BTRC: variants seen among roughly 807,000 people sequenced by gnomAD.
BTRC encodes F-box/WD repeat-containing protein 1A.
Under a neutral mutation model 85.5 loss-of-function variants are expected in BTRC, and 42 were observed. The ratio of observed to expected loss-of-function variants is 0.49; its 90% CI spans 0.38 to 0.64. The LOEUF (loss-of-function observed/expected upper bound fraction) is 0.64. BTRC is among the 30% of genes least tolerant of loss of function. The pLI, the probability that BTRC is intolerant of heterozygous loss-of-function variation, is 0.00. For missense variants in BTRC, 594 were observed against 743.5 expected (o/e 0.80, Z 2.34); for synonymous variants, 255 against 263.3 (o/e 0.97, Z 0.30).
chr10:101,366,992 AT>A (rs1942460432), intron 1 of BTRC, among the ~76,000 whole-genome samples: 1 of 34,250 alleles, frequency 2.9e-5, no homozygotes, highest in Non-Finnish European at 7.4e-5. Context: ...ATTTATATAT[AT>A]TAATATATAT....
intron 2 of BTRC, among the ~76,000 whole-genome samples, chr10:101,454,000 ATG>A (rs1427079191): frequency 1.3e-5 from 2 of 152,262 alleles, no homozygotes; most frequent in Non-Finnish European, 2.9e-5. Context: ...TTGCAAAAAT[ATG>A]TGTCAGGCCA....
intron 4 of BTRC, among the ~76,000 whole-genome samples, chr10:101,487,709 C>A (rs1946026209): frequency 6.6e-6 from 1 of 152,124 alleles, no homozygotes; most frequent in Non-Finnish European, 1.5e-5. Flanking sequence ...AAGCAGGGAT[C>A]CTACCCAGTC....
chr10:101,478,812 GA>G (rs1945760558), intron 3 of BTRC, among the ~76,000 whole-genome samples: 1 of 149,768 alleles, frequency 6.7e-6, no homozygotes, highest in African/African-American at 2.5e-5. Context: ...GAAAAAAAGA[GA>G]AAGAAACATG....
intron 3 of BTRC, among the ~76,000 whole-genome samples, chr10:101,469,033 G>T (rs775111439): frequency 3.3e-5 from 5 of 152,134 alleles, no homozygotes; most frequent in Non-Finnish European, 7.4e-5. Flanking sequence ...TTTCAGCAAG[G>T]CATCTTACTA....
At chr10:101,516,162 A>G (rs146941964) in intron 4 of BTRC, among the ~76,000 whole-genome samples, 7 of 152,346 alleles carry the variant, frequency 4.6e-5, no homozygotes, top group Admixed American at 2.0e-4. Flanking sequence ...CAGCTCCAAC[A>G]GTGTTATAAG....
rs1257635504 is a variant in BTRC, at chr10:101,445,697, T to G, written c.156+15245T>G. On this transcript the variant is annotated intron_variant, in intron 2 of 14. Coordinates refer to ENST00000370187, the MANE Select transcript of BTRC (RefSeq NM_033637.4). Reference sequence around the variant, plus strand: ...CATGTGGCAGAGGAGTTGTGTATAATCGCTTTGGTTTAATCAATAGAATAA... The same window carrying G: ...CATGTGGCAGAGGAGTTGTGTATAAGCGCTTTGGTTTAATCAATAGAATAA... Among the ~76,000 whole-genome samples the G allele has an allele frequency of 3.9e-5, 6 of 152,202 alleles. 1 individual carries two copies.
At chr10:101,478,618 C>G (rs1286421130) in intron 3 of BTRC, among the ~76,000 whole-genome samples, 2 of 151,040 alleles carry the variant, frequency 1.3e-5, no homozygotes, top group Non-Finnish European at 3.0e-5. Context: ...TGGCAAAACC[C>G]CATCTCTACA....
intron 4 of BTRC, among the ~76,000 whole-genome samples, chr10:101,492,237 T>C (rs1436932529): frequency 6.6e-6 from 1 of 152,148 alleles, no homozygotes; most frequent in Non-Finnish European, 1.5e-5. Flanking sequence ...AATTATACAG[T>C]TTTGGGTTTG....
chr10:101,359,395 A>G (rs1942136145), intron 1 of BTRC, among the ~76,000 whole-genome samples: 2 of 152,084 alleles, frequency 1.3e-5, no homozygotes, highest in African/African-American at 2.4e-5. Flanking sequence ...GTGTTGGGGT[A>G]TGAAATTAGT....
intron 2 of BTRC, among the ~76,000 whole-genome samples, chr10:101,434,308 C>A (rs1418516014): frequency 1.3e-5 from 2 of 152,138 alleles, no homozygotes; most frequent in Non-Finnish European, 2.9e-5. Context: ...TATCAATGAA[C>A]TTCCTCTGTT....
intron 1 of BTRC, among the ~76,000 whole-genome samples, chr10:101,403,371 G>A (rs765611725): frequency 2.0e-5 from 3 of 152,088 alleles, no homozygotes; most frequent in South Asian, 2.1e-4. Context: ...CAAGGCAGCC[G>A]CCCTTGCATT....
At chr10:101,507,684 A>G (rs992079967) in intron 4 of BTRC, among the ~76,000 whole-genome samples, 1 of 152,192 alleles carries the variant, frequency 6.6e-6, no homozygotes, top group African/African-American at 2.4e-5. Flanking sequence ...GGAATAATTC[A>G]TTAGATTATC....
chr10:101,494,477 C>A (rs1231114063), intron 4 of BTRC, among the ~76,000 whole-genome samples: 1 of 152,148 alleles, frequency 6.6e-6, no homozygotes, highest in Non-Finnish European at 1.5e-5. Context: ...TTTGCTATAT[C>A]ATAACTCAAA....
chr10:101,396,406 ATT>A (rs1265051187), intron 1 of BTRC, among the ~76,000 whole-genome samples: 16 of 127,036 alleles, frequency 1.3e-4, no homozygotes, highest in South Asian at 2.5e-4. Context: ...GGAGGTGAAG[ATT>A]TTTTTTTTTT....
At chr10:101,478,848 A>G (rs1178620881) in intron 3 of BTRC, among the ~76,000 whole-genome samples, 8 of 151,038 alleles carry the variant, frequency 5.3e-5, no homozygotes, top group African/African-American at 1.5e-4. Flanking sequence ...CTGAGGCAGG[A>G]GAATCGCTTG....
chr10:101,503,449 G>C (rs1946443617), intron 4 of BTRC, among the ~76,000 whole-genome samples: 1 of 152,166 alleles, frequency 6.6e-6, no homozygotes, highest in Non-Finnish European at 1.5e-5. Flanking sequence ...ATCTGAGCAA[G>C]TTATTTTGAT....
In BTRC at chr10:101,522,363, A is replaced by C. The variant is rs1283504382; in HGVS notation, c.556+493A>C. 7.4e-5 allele frequency among the ~76,000 whole-genome samples: 5 copies of C among 67,198 alleles called. 1 individual carries two copies. The highest frequency in any genetic ancestry group is 3.3e-4 in the Admixed American group (2 of 6,128). The allele number at this position is 67,198 out of a possible 152,430, so 44.1% of individuals were successfully genotyped here. On this transcript the variant is annotated intron_variant, in intron 5 of 14. Coordinates refer to ENST00000370187, the MANE Select transcript of BTRC (RefSeq NM_033637.4). The stretch of plus-strand genomic sequence containing the variant: ...CTGGTATAAAGCTTTAAAAAAAAAA[A>C]AAACAAAAAAAAACAAAAAAAAAAA...
intron 4 of BTRC, among the ~76,000 whole-genome samples, chr10:101,509,971 A>C (rs1382497817): frequency 1.3e-5 from 2 of 150,414 alleles, no homozygotes; most frequent in Admixed American, 1.3e-4. Context: ...TTTGAGACCA[A>C]CCTGGCCAGC....
Position 101,415,216 on chromosome 10 carries a change from C to T in BTRC, c.49-15129C>T, listed in dbSNP as rs1352693812. 8.6e-5 allele frequency among the ~76,000 whole-genome samples: 13 copies of T among 151,856 alleles called. No homozygotes were observed. In the South Asian group the frequency reaches 2.7e-3, roughly 32 times the overall value. On this transcript the variant is annotated intron_variant, in intron 1 of 14. Transcript: ENST00000370187. ...TTTTTTGAGACAAGGTCTTCTGTTGCCTGGGCTGGAGTGCAGTGGTGAGAT... is the reference window on the plus strand; with the variant it reads ...TTTTTTGAGACAAGGTCTTCTGTTGTCTGGGCTGGAGTGCAGTGGTGAGAT...
Sources: gnomAD v4.1 joint callset for allele counts (sites outside exome capture counted in the v4.1 genomes callset) on GRCh38, gnomAD v4.1.1 for gene constraint, MANE v1.5 for transcripts, NCBI Gene and HGNC (gene_info 2026-07-23, HGNC 2026-07-21) for gene names.